SHOC2: variants seen among roughly 807,000 people sequenced by gnomAD.
SHOC2 encodes the protein SHOC2 leucine rich repeat scaffold protein.
SHOC2 carries 4 observed loss-of-function variants against 50.2 expected under a neutral mutation model. The observed-to-expected ratio is 0.08, with a 90% confidence interval of 0.04 to 0.18. SHOC2 has a LOEUF of 0.18. Ranked by LOEUF, SHOC2 falls within the 10% of genes least tolerant of loss-of-function variation. The pLI is 1.00. For missense variants in SHOC2, 388 were observed against 669.6 expected (o/e 0.58, Z 4.64); for synonymous variants, 218 against 244.5 (o/e 0.89, Z 1.01).
chr10:110,928,775 G>A (rs554834420), intron 1 of SHOC2, among the ~76,000 whole-genome samples: 1 of 152,102 alleles, frequency 6.6e-6, no homozygotes, highest in South Asian at 2.1e-4. Flanking sequence ...TGCATCGGTA[G>A]TCCCAGCTAC....
intron 1 of SHOC2, among the ~76,000 whole-genome samples, chr10:110,950,127 A>G (rs77448281): frequency 0.022 from 3,376 of 152,280 alleles, 123 homozygotes; most frequent in African/African-American, 0.076. Context: ...TGTAGATAAC[A>G]TGATCTTATA....
intron 1 of SHOC2, among the ~76,000 whole-genome samples, chr10:110,925,328 T>C (rs944893943): frequency 1.3e-5 from 2 of 152,220 alleles, no homozygotes; most frequent in Non-Finnish European, 2.9e-5. Flanking sequence ...GCAGGCTTTG[T>C]AATTGTCTTG....
intron 1 of SHOC2, among the ~76,000 whole-genome samples, chr10:110,928,067 A>G (rs1265116879): frequency 1.3e-5 from 2 of 152,198 alleles, no homozygotes; most frequent in East Asian, 3.8e-4. Context: ...CTGTAGTCCC[A>G]GCACTTTGGG....
rs1848572743 is a variant in SHOC2 at position 111,011,888 on chromosome 10, T to G, written c.*70T>G. Reference sequence around the variant, plus strand: ...TTAATGTTTCTTATCTATATCTGTATCTATTTATGTAGATATTGGTATATG... The same window carrying G: ...TTAATGTTTCTTATCTATATCTGTAGCTATTTATGTAGATATTGGTATATG... On this transcript the variant is annotated 3_prime_UTR_variant, in exon 9 of 9. Coordinates refer to ENST00000369452, the MANE Select transcript of SHOC2 (RefSeq NM_007373.4). The G allele has an allele frequency of 8.2e-7, 1 of 1,219,900 alleles. No homozygotes were observed. Among genetic ancestry groups the G allele is most frequent in the African/African-American group, 1.5e-5 (1 of 67,188 alleles). 75.6% of individuals were successfully genotyped at this position (1,219,900 alleles called of 1,614,324 possible).
intron 3 of SHOC2, among the ~76,000 whole-genome samples, chr10:110,999,741 A>AAG (rs1848333659): frequency 1.6e-5 from 2 of 123,620 alleles, no homozygotes; most frequent in African/African-American, 3.0e-5. Context: ...AGTCTCAAAA[A>AAG]AAAAAAAAAA....
intron 3 of SHOC2, among the ~76,000 whole-genome samples, chr10:110,988,631 CTT>C: frequency 6.6e-6 from 1 of 152,002 alleles, no homozygotes; most frequent in East Asian, 1.9e-4. Context: ...TTGATCCTCT[CTT>C]AGTTTTATTG....
chr10:110,937,348 T>C, intron 1 of SHOC2: 1 of 617,910 alleles, frequency 1.6e-6, no homozygotes, highest in Non-Finnish European at 2.9e-6. Flanking sequence ...AGCAAGGGAC[T>C]GTTGGGTTTG....
intron 3 of SHOC2, among the ~76,000 whole-genome samples, chr10:110,992,063 T>A (rs1848194921): frequency 6.6e-6 from 1 of 152,184 alleles, no homozygotes; most frequent in Non-Finnish European, 1.5e-5. Flanking sequence ...TTTACTTGCC[T>A]TTTCCTTTTT....
chr10:110,972,090 A>C (rs1205230041), intron 2 of SHOC2, among the ~76,000 whole-genome samples: 1 of 151,320 alleles, frequency 6.6e-6, no homozygotes, highest in African/African-American at 2.4e-5. Flanking sequence ...AATAAAGCTC[A>C]GTACTATTAA....
At position 111,013,451 on chromosome 10, in the gene SHOC2, T is replaced by C. The variant is rs1446622504; in HGVS notation, c.*1633T>C. On this transcript the variant is annotated 3_prime_UTR_variant, in exon 9 of 9. Transcript: ENST00000369452. The stretch of plus-strand genomic sequence containing the variant: ...ATGACTAGTTTTGAGGTCAAACCTA[T>C]GTTCGTAATGAGAGATTTTATAAGG... The C allele has an allele frequency of 6.6e-6, 1 of 152,134 alleles. No individual in the cohort carries two copies. Among genetic ancestry groups the C allele is most frequent in the Non-Finnish European group, 1.5e-5 (1 of 68,002 alleles). The allele number at this position is 152,134 out of a possible 1,614,324, so 9.4% of individuals were successfully genotyped here. A position where few individuals can be genotyped will look rare whatever the true frequency, so the allele number is the denominator to read the frequency against.
intron 1 of SHOC2, among the ~76,000 whole-genome samples, chr10:110,935,691 G>A (rs1436730134): frequency 6.6e-6 from 1 of 151,792 alleles, no homozygotes; most frequent in African/African-American, 2.4e-5. Context: ...TATCATTATG[G>A]TTATAGCCTC....
rs138612584 is a variant in SHOC2 at position 110,919,633 on chromosome 10, G to A, written c.-259G>A. The A allele has an allele frequency of 5.2e-4, 209 of 399,062 alleles. No individual in the cohort carries two copies. The highest frequency in any genetic ancestry group is 6.7e-4 in the Non-Finnish European group (151 of 226,506). 24.7% of individuals were successfully genotyped at this position (399,062 alleles called of 1,614,324 possible). On this transcript the variant is annotated 5_prime_UTR_variant, in exon 1 of 9. Coordinates refer to ENST00000369452, the MANE Select transcript of SHOC2 (RefSeq NM_007373.4). ...AGGAGGAAGGAGGGCGAGCGAGGAG[G>A]ATGGCGGAGTCGGGGCTCCTGACGG...
upstream of SHOC2, chr10:110,919,492 T>G (rs1374559199): frequency 5.5e-6 from 2 of 361,498 alleles, no homozygotes; most frequent in African/African-American, 2.6e-5. Flanking sequence ...GGCAGAGGGG[T>G]GGGGCGGGGA....
intron 1 of SHOC2, among the ~76,000 whole-genome samples, chr10:110,954,014 T>C (rs1847409826): frequency 6.6e-6 from 1 of 151,326 alleles, no homozygotes; most frequent in Admixed American, 6.6e-5. Context: ...GACCAAAAAT[T>C]TGTTGAAAAA....
intron 2 of SHOC2, among the ~76,000 whole-genome samples, chr10:110,980,249 C>T (rs550756335): frequency 2.6e-5 from 4 of 151,646 alleles, no homozygotes; most frequent in African/African-American, 7.3e-5. Context: ...CTCCGCCTCC[C>T]GGGTTCATGC....
chr10:110,979,805 T>G (rs565536452), intron 2 of SHOC2, among the ~76,000 whole-genome samples: 1 of 152,362 alleles, frequency 6.6e-6, no homozygotes, highest in Admixed American at 6.5e-5. Context: ...CTTTTCTTCC[T>G]TGTGGATTCC....
chr10:111,000,916 C>G (rs1395144281), intron 4 of SHOC2, among the ~76,000 whole-genome samples: 2 of 151,842 alleles, frequency 1.3e-5, no homozygotes, highest in Non-Finnish European at 2.9e-5. Context: ...CCACCCAGTT[C>G]AGTTATAAAA....
chr10:110,926,066 C>T (rs1176117767), intron 1 of SHOC2, among the ~76,000 whole-genome samples: 1 of 152,180 alleles, frequency 6.6e-6, no homozygotes, highest in East Asian at 1.9e-4. Context: ...AAACTCTAAT[C>T]ACCCTTCAGG....
intron 2 of SHOC2, among the ~76,000 whole-genome samples, chr10:110,969,230 A>C (rs955850643): frequency 3.3e-5 from 5 of 152,218 alleles, no homozygotes; most frequent in African/African-American, 1.2e-4. Context: ...TTTATAGATC[A>C]GTGTTCCATT....
Sources: allele counts gnomAD v4.1 joint callset (sites outside exome capture counted in the v4.1 genomes callset), GRCh38; gene constraint gnomAD v4.1.1; transcripts MANE v1.5; gene names NCBI Gene and HGNC (gene_info 2026-07-23, HGNC 2026-07-21).